Variants in SMOC2 observed in about 807,000 individuals in gnomAD.
The protein encoded by SMOC2 is SPARC related modular calcium binding 2.
A neutral mutation model predicts 61.4 loss-of-function variants in SMOC2; 39 were observed. That is an observed-to-expected ratio of 0.64 (90% CI 0.49 to 0.83). SMOC2 has a LOEUF of 0.83. SMOC2 is among the 40% of genes least tolerant of loss of function. The pLI, the probability that SMOC2 is intolerant of heterozygous loss-of-function variation, is 0.00. For missense variants in SMOC2, 556 were observed against 592.9 expected (o/e 0.94, Z 0.65); for synonymous variants, 247 against 239.9 (o/e 1.03, Z -0.27).
intron 7 of SMOC2, among the ~76,000 whole-genome samples, chr6:168,590,419 C>T (rs542994566): frequency 5.0e-4 from 73 of 146,206 alleles, no homozygotes; most frequent in Non-Finnish European, 6.8e-4. Context: ...AGGGGGCAGC[C>T]GGCCTGGTGG....
At chr6:168,595,992 C>T (rs9346731) in intron 7 of SMOC2, among the ~76,000 whole-genome samples, 26,488 of 134,724 alleles carry the variant, frequency 0.2, 3,897 homozygotes, top group East Asian at 0.33. Flanking sequence ...AGAAGCGCTG[C>T]GGCGGTGCTG....
chr6:168,529,269 A>G (rs1452039438), intron 4 of SMOC2, among the ~76,000 whole-genome samples: 1 of 152,134 alleles, frequency 6.6e-6, no homozygotes, highest in Non-Finnish European at 1.5e-5. Flanking sequence ...AAGAGAGTAG[A>G]TGGCCCTTTG....
At chr6:168,516,928 TG>T (rs974058252) in intron 2 of SMOC2, among the ~76,000 whole-genome samples, 5 of 152,130 alleles carry the variant, frequency 3.3e-5, no homozygotes, top group African/African-American at 1.2e-4. Context: ...CATTCCAGCC[TG>T]GCGACAACAC....
chr6:168,599,792 CCA>C (rs1156814538), intron 8 of SMOC2, among the ~76,000 whole-genome samples: 3 of 75,490 alleles, frequency 4.0e-5, no homozygotes, highest in Non-Finnish European at 7.9e-5. Flanking sequence ...ACAAACATAC[CCA>C]CAGTCACACA....
At chr6:168,601,381 TGAGGC>T (rs1785552362) in intron 8 of SMOC2, among the ~76,000 whole-genome samples, 1 of 152,236 alleles carries the variant, frequency 6.6e-6, no homozygotes, top group Non-Finnish European at 1.5e-5. Context: ...ACAGGGGTGC[TGAGGC>T]CAGCGGCTGA....
chr6:168,607,834 A>C (rs551587725), intron 8 of SMOC2, among the ~76,000 whole-genome samples: 1 of 152,156 alleles, frequency 6.6e-6, no homozygotes, highest in East Asian at 1.9e-4. Flanking sequence ...GCTCCATCCA[A>C]CCCTGCAACG....
intron 1 of SMOC2, among the ~76,000 whole-genome samples, chr6:168,456,379 T>C (rs1007801493): frequency 1.4e-4 from 21 of 152,186 alleles, no homozygotes; most frequent in Admixed American, 9.2e-4. Context: ...TCTCAGGCCA[T>C]GGGTCTGCCC....
At chr6:168,563,536 C>A (rs1180367341) in intron 7 of SMOC2, among the ~76,000 whole-genome samples, 1 of 152,032 alleles carries the variant, frequency 6.6e-6, no homozygotes, top group Non-Finnish European at 1.5e-5. Context: ...GTATGTGTGT[C>A]CCCAAATTCC....
chr6:168,660,931 C>G (rs2115290286), intron 11 of SMOC2, among the ~76,000 whole-genome samples: 1 of 152,294 alleles, frequency 6.6e-6, no homozygotes, highest in Admixed American at 6.5e-5. Flanking sequence ...TCAGATCCCT[C>G]TGAATAATCT....
chr6:168,567,148 A>C (rs1784564319), intron 7 of SMOC2, among the ~76,000 whole-genome samples: 1 of 152,238 alleles, frequency 6.6e-6, no homozygotes. Flanking sequence ...ATGAGTTTGT[A>C]TCAGAAAAAA....
In SMOC2 at chr6:168,526,253, C is replaced by G. The variant is rs78026481; in HGVS notation, c.257-93C>G. ...GCCTCCAGGTCCTCAGCACTCCTGC[C>G]TAACTCATGCCTTCACATCTTTCAA... On this transcript the variant is annotated intron_variant, in intron 2 of 12. Coordinates refer to ENST00000356284, the MANE Select transcript of SMOC2 (RefSeq NM_001166412.2). 2.6e-3 allele frequency: 3,077 copies of G among 1,175,486 alleles called. 24 individuals carry two copies. In the East Asian group the frequency reaches 0.027, roughly 10 times the overall value. 72.8% of individuals were successfully genotyped at this position (1,175,486 alleles called of 1,614,324 possible). A position where few individuals can be genotyped will look rare whatever the true frequency, so the allele number is the denominator to read the frequency against.
chr6:168,488,455 T>C (rs896961619), intron 1 of SMOC2, among the ~76,000 whole-genome samples: 3 of 152,238 alleles, frequency 2.0e-5, no homozygotes, highest in Non-Finnish European at 4.4e-5. Flanking sequence ...TGAGATAGTC[T>C]GTCACAGGGC....
chr6:168,486,219 C>T (rs564476810), intron 1 of SMOC2, among the ~76,000 whole-genome samples: 51 of 152,116 alleles, frequency 3.4e-4, no homozygotes, highest in African/African-American at 1.2e-3. Flanking sequence ...AATATTGTTC[C>T]CCAAATCACT....
At chr6:168,458,585 A>G (rs1781645937) in intron 1 of SMOC2, among the ~76,000 whole-genome samples, 1 of 152,086 alleles carries the variant, frequency 6.6e-6, no homozygotes, top group South Asian at 2.1e-4. Flanking sequence ...CTTTGCCTTC[A>G]TTGCTAAGGA....
At chr6:168,577,655 C>T (rs948685511) in intron 7 of SMOC2, among the ~76,000 whole-genome samples, 3 of 152,228 alleles carry the variant, frequency 2.0e-5, no homozygotes, top group African/African-American at 7.2e-5. Context: ...CCCGCAGCAT[C>T]TCCCAGCAGT....
At chr6:168,472,983 C>T (rs1209718569) in intron 1 of SMOC2, among the ~76,000 whole-genome samples, 3 of 151,784 alleles carry the variant, frequency 2.0e-5, no homozygotes, top group African/African-American at 4.8e-5. Context: ...GGGAAGGCTC[C>T]GATTCATACA....
chr6:168,559,122 A>G (rs1784329338), intron 7 of SMOC2, among the ~76,000 whole-genome samples: 3 of 152,224 alleles, frequency 2.0e-5, no homozygotes, highest in Admixed American at 2.0e-4. Flanking sequence ...TTGAAGCATA[A>G]ACTGAGTGAA....
Position 168,536,847 on chromosome 6 carries a change from C to T in SMOC2, c.464-6778C>T, listed in dbSNP as rs151138019. Among the ~76,000 whole-genome samples the T allele has an allele frequency of 5.1e-3, 782 of 152,292 alleles. 4 individuals are homozygous for T. Among genetic ancestry groups the T allele is most frequent in the South Asian group, 0.028 (135 of 4,824 alleles). ...CACGGTGAGGCTCAGGGATGGGACC[C>T]GGTGAAGTCGGATAGAGCAGAGGCA... On this transcript the variant is annotated intron_variant, in intron 4 of 12. Transcript: ENST00000356284.
In SMOC2 at chr6:168,489,605, T is replaced by C. The variant is rs113024966; in HGVS notation, c.85-20310T>C. Among the ~76,000 whole-genome samples the C allele has an allele frequency of 5.0e-4, 39 of 78,456 alleles. 1 individual carries two copies. Among genetic ancestry groups the C allele is most frequent in the African/African-American group, 1.4e-3 (26 of 18,162 alleles). The allele number at this position is 78,456 out of a possible 152,430, so 51.5% of individuals were successfully genotyped here. On this transcript the variant is annotated intron_variant, in intron 1 of 12. Coordinates refer to ENST00000356284, the MANE Select transcript of SMOC2 (RefSeq NM_001166412.2). ...TGTTTTAGAATGAAATATATCAAAT[T>C]GTCTGGGTCCCCTTGGATCACACTG... is the stretch of plus-strand genomic sequence containing the variant.
Sources: allele counts gnomAD v4.1 joint callset (sites outside exome capture counted in the v4.1 genomes callset), GRCh38; gene constraint gnomAD v4.1.1; transcripts MANE v1.5; gene names NCBI Gene and HGNC (gene_info 2026-07-23, HGNC 2026-07-21).